Variants in CARMIL3 observed in about 807,000 individuals in gnomAD.
The protein encoded by CARMIL3 is capping protein regulator and myosin 1 linker 3.
CARMIL3 carries 88 observed loss-of-function variants against 180.8 expected under a neutral mutation model. That is an observed-to-expected ratio of 0.49 (90% CI 0.41 to 0.58). The LOEUF (loss-of-function observed/expected upper bound fraction) is 0.58. Ranked by LOEUF, CARMIL3 falls within the 20% of genes least tolerant of loss-of-function variation. The pLI is 0.00. For missense variants in CARMIL3, 1,548 were observed against 1,787.0 expected (o/e 0.87, Z 2.41); for synonymous variants, 696 against 714.5 (o/e 0.97, Z 0.41).
At chr14:24,066,344 T>A in intron 34 of CARMIL3, 54 bp from the exon 35 acceptor site, 1 of 1,591,816 alleles carries the variant, frequency 6.3e-7, no homozygotes, top group Non-Finnish European at 8.6e-7. Flanking sequence ...CTTTGTCAGC[T>A]GCAGTCCTGC....
chr14:24,062,858 G>C lies in CARMIL3; in HGVS notation c.2706+12G>C, dbSNP rs371055012. The stretch of plus-strand genomic sequence containing the variant: ...TTGGGACCAACATTGTGAGCCCCCC[G>C]CTCCCTGCTCCTCCTTAATAACCTG... On this transcript the variant is annotated intron_variant, in intron 29 of 39. Transcript: ENST00000342740. 74 of 1,594,096 alleles carry C rather than the reference G, an allele frequency of 4.6e-5. No individual in the cohort carries two copies. Among genetic ancestry groups the C allele is most frequent in the Non-Finnish European group, 5.9e-5 (69 of 1,171,012 alleles).
chr14:24,063,326 C>A lies in CARMIL3; in HGVS notation c.2772C>A (p.Ser924Arg). 6.3e-7 allele frequency: 1 copy of A among 1,594,696 alleles called. No homozygotes were observed. The highest frequency in any genetic ancestry group is 8.6e-7 in the Non-Finnish European group (1 of 1,166,678). ...CCTCTAATGCTGCTGTCTTTGCAGG[C>A]GGGAGCCCTCAGGACATGGAAAGCC... Reference protein sequence around the residue: ...RKIRPVSAFISGSPQDMESQL... With the variant: ...RKIRPVSAFIRGSPQDMESQL... The change falls in exon 31 of 40, where the codon AGC becomes AGA. Residue 924 changes from serine (S) to arginine (R), a missense_variant and splice_region_variant. Transcript: ENST00000342740.
At chr14:24,068,427 AG>A (rs1478389770) in intron 36 of CARMIL3, among the ~76,000 whole-genome samples, 156 bp from the exon 37 acceptor site, 1 of 151,624 alleles carries the variant, frequency 6.6e-6, no homozygotes, top group Non-Finnish European at 1.5e-5. Context: ...AAGAAAGAAA[AG>A]AAAAAAAAAA....
intron 1 of CARMIL3, among the ~76,000 whole-genome samples, chr14:24,052,831 T>C (rs2035631498): frequency 6.6e-6 from 1 of 152,192 alleles, no homozygotes; most frequent in Non-Finnish European, 1.5e-5. Flanking sequence ...TTCTCCCGTT[T>C]GCATGGTTCT....
chr14:24,065,247 C>T lies in CARMIL3; in HGVS notation c.3370C>T (p.Arg1124Trp), dbSNP rs571179043. 25 of 1,544,060 alleles carry T rather than the reference C, an allele frequency of 1.6e-5. No homozygotes were observed. The highest frequency in any genetic ancestry group is 2.0e-4 in the Middle Eastern group (1 of 5,034). Residue 1124 changes from arginine (R) to tryptophan (W), a missense_variant, in exon 33 of 40, where the codon CGG becomes TGG. Arg to Trp is a moderately radical substitution (Grantham distance 101). Transcript: ENST00000342740. ...SSLLPGFGGG[R>W]GPSFRRKMGT... ...CCTCCTCCCTGGATTTGGTGGGGGC[C>T]GGGGACCTTCCTTCCGCCGGAAGAT...
Position 24,055,511 on chromosome 14 carries a change from C to T in CARMIL3, c.606-32C>T. On this transcript the variant is annotated intron_variant, in intron 8 of 39. Coordinates refer to ENST00000342740, the MANE Select transcript of CARMIL3 (RefSeq NM_138360.4). ...CTTTTCTGACCCAACCACCTGCTCA[C>T]CACTTTCCTGCCCCCTTCCATATCC... is the stretch of plus-strand genomic sequence containing the variant. 4 of 1,612,442 alleles carry T rather than the reference C, an allele frequency of 2.5e-6. No homozygotes were observed. In the South Asian group the frequency reaches 4.4e-5, roughly 18 times the overall value.
In CARMIL3 at chr14:24,064,229, G is replaced by A; in HGVS notation, c.2980-17G>A. 1 of 1,598,786 alleles carries A rather than the reference G, an allele frequency of 6.3e-7. No individual in the cohort carries two copies. Among genetic ancestry groups the A allele is most frequent in the Non-Finnish European group, 8.5e-7 (1 of 1,170,114 alleles). On this transcript the variant is annotated splice_polypyrimidine_tract_variant and intron_variant, in intron 31 of 39. Transcript: ENST00000342740. ...CTGACCTAGATGAGATGTCCCACGG[G>A]ACTTTCCTCCCAGCAGATGCCAGCA...
chr14:24,061,552 G>A lies in CARMIL3; in HGVS notation c.2360G>A (p.Arg787Gln), dbSNP rs750697464. Residue 787 changes from arginine to glutamine, a missense_variant, in exon 27 of 40, where the codon CGG becomes CAG. Arg to Gln is a conservative substitution (Grantham distance 43). Coordinates refer to ENST00000342740, the MANE Select transcript of CARMIL3 (RefSeq NM_138360.4). The surrounding 1 kb of genome is among the most constrained non-coding windows in gnomAD (Gnocchi z 4.1). ...LTQELCPVAM[R>Q]VAEGHNKMLS... ...CAGGAGTTATGCCCTGTGGCCATGC[G>A]GGTGGCCGAGGGACACAACAAGATG... 3.9e-5 allele frequency: 63 copies of A among 1,613,910 alleles called. No homozygotes were observed. The highest frequency in any genetic ancestry group is 1.5e-4 in the South Asian group (14 of 91,078).
chr14:24,056,572 C>A, intron 11 of CARMIL3, 50 bp from the exon 12 acceptor site: 2 of 1,582,550 alleles, frequency 1.3e-6, no homozygotes, highest in Non-Finnish European at 1.7e-6. Flanking sequence ...GTGCCACCTG[C>A]ACCCACTGCC....
At chr14:24,052,307 C>A in intron 1 of CARMIL3, 114 bp downstream of exon 1, 1 of 1,080,302 alleles carries the variant, frequency 9.3e-7, no homozygotes, top group Non-Finnish European at 1.3e-6. Flanking sequence ...CCCCATGCAT[C>A]CTGGCTCCAA....
chr14:24,063,572 C>A, intron 31 of CARMIL3, 39 bp downstream of exon 31: 2 of 1,556,880 alleles, frequency 1.3e-6, no homozygotes, highest in South Asian at 1.2e-5. Flanking sequence ...CCCCTTCACT[C>A]AGTGACACCA....
chr14:24,063,008 T>G, intron 29 of CARMIL3, 112 bp from the exon 30 acceptor site: 1 of 1,540,062 alleles, frequency 6.5e-7, no homozygotes, highest in Admixed American at 1.8e-5. Flanking sequence ...CTCATCCCAG[T>G]GCCTCAGCCC....
intron 9 of CARMIL3, 26 bp from the exon 10 acceptor site, chr14:24,055,675 A>G (rs368146234): frequency 9.0e-5 from 146 of 1,613,822 alleles, no homozygotes; most frequent in Non-Finnish European, 1.2e-4. Flanking sequence ...TTGGCCCCTG[A>G]TCACAAGACC....
At chr14:24,055,881 T>C (rs2138710747) in intron 10 of CARMIL3, 92 bp downstream of exon 10, 8 of 1,152,528 alleles carry the variant, frequency 6.9e-6, no homozygotes, top group East Asian at 2.5e-5. Context: ...CTCTGGACTA[T>C]CTTATCCAGT....
At position 24,057,260 on chromosome 14, in the gene CARMIL3, T is replaced by G; in HGVS notation, c.1140+16T>G. The G allele has an allele frequency of 6.2e-7, 1 of 1,612,262 alleles. No individual in the cohort carries two copies. Among genetic ancestry groups the G allele is most frequent in the Non-Finnish European group, 8.5e-7 (1 of 1,179,060 alleles). ...CATCGACTTGGTGAGGAGTTGGTGA[T>G]GGGAAGCCAGTCTGAGGTGATTTGG... On this transcript the variant is annotated intron_variant, in intron 14 of 39. Transcript: ENST00000342740.
chr14:24,059,250 A>G lies in CARMIL3; in HGVS notation c.1627-20A>G. On this transcript the variant is annotated intron_variant, in intron 20 of 39. Transcript: ENST00000342740. The surrounding 1 kb of genome is among the most constrained non-coding windows in gnomAD (Gnocchi z 6.3). ...GAGGAGGCTGTGGGGACTGGGTCCA[A>G]CCGCCCCTTGCCCACACAGTCCCTG... 6.2e-7 allele frequency: 1 copy of G among 1,613,632 alleles called. No homozygotes were observed.
In CARMIL3 at chr14:24,058,450, T is replaced by G. The variant is rs2035697170; in HGVS notation, c.1392+226T>G. ...AGCTTTGGGGTGGGAGATACCAGAC[T>G]TTTCCACCAGAGGGCAGGAGCAAGC... On this transcript the variant is annotated intron_variant, in intron 17 of 39. Transcript: ENST00000342740. This position sits in a 1 kb window ranked among gnomAD's most constrained non-coding sequence, Gnocchi z 6.4. 6.6e-6 allele frequency among the ~76,000 whole-genome samples: 1 copy of G among 152,160 alleles called. No individual in the cohort carries two copies. The highest frequency in any genetic ancestry group is 1.5e-5 in the Non-Finnish European group (1 of 68,020).
At chr14:24,062,652 A>C in intron 28 of CARMIL3, 57 bp from the exon 29 acceptor site, 1 of 1,611,778 alleles carries the variant, frequency 6.2e-7, no homozygotes, top group Non-Finnish European at 8.5e-7. Flanking sequence ...CTCCCCTTCA[A>C]GGCCCTGGGA....
At chr14:24,062,339 T>G in intron 27 of CARMIL3, 141 bp from the exon 28 acceptor site, 1 of 788,320 alleles carries the variant, frequency 1.3e-6, no homozygotes, top group Non-Finnish European at 2.3e-6. Context: ...GGCTGCCTCC[T>G]TCAGCAGCCA....
Sources: gnomAD v4.1 joint callset for allele counts (sites outside exome capture counted in the v4.1 genomes callset) on GRCh38, gnomAD v4.1.1 for gene constraint, Gnocchi (gnomAD v3.1) non-coding constraint, MANE v1.5 for transcripts, NCBI Gene and HGNC (gene_info 2026-07-23, HGNC 2026-07-21) for gene names.